MECOM: variants seen among roughly 807,000 people sequenced by gnomAD.
MECOM encodes the protein histone-lysine N-methyltransferase MECOM.
Under a neutral mutation model 116.3 loss-of-function variants are expected in MECOM, and 13 were observed. That is an observed-to-expected ratio of 0.11 (90% CI 0.07 to 0.18). The LOEUF is 0.18. Among genes scored for constraint, MECOM ranks in the 10% least tolerant of loss-of-function variants. The pLI, the probability that MECOM is intolerant of heterozygous loss-of-function variation, is 1.00. For synonymous variants in MECOM, 528 were observed against 535.2 expected, an observed-to-expected ratio of 0.99 and a Z score of 0.19; for missense variants, 1,299 against 1,509.0, an observed-to-expected ratio of 0.86 and a Z score of 2.31.
intron 2 of MECOM, among the ~76,000 whole-genome samples, chr3:169,220,520 A>T (rs1044314432): frequency 4.6e-5 from 7 of 151,782 alleles, no homozygotes; most frequent in African/African-American, 1.7e-4. Flanking sequence ...TATCACCCAG[A>T]CTGGAGTGCA....
At chr3:169,313,413 C>G (rs1378054912) in intron 2 of MECOM, among the ~76,000 whole-genome samples, 1 of 152,124 alleles carries the variant, frequency 6.6e-6, no homozygotes, top group Non-Finnish European at 1.5e-5. Context: ...TGTTCATACA[C>G]TAATGGAAAT....
chr3:169,131,000 T>A (rs553246958), intron 4 of MECOM, among the ~76,000 whole-genome samples: 1 of 152,144 alleles, frequency 6.6e-6, no homozygotes, highest in African/African-American at 2.4e-5. Flanking sequence ...CCCTCCCATA[T>A]GGTCATATTG....
Position 169,084,806 on chromosome 3 carries a change from G to T in MECOM, c.*103C>A. On this transcript the variant is annotated 3_prime_UTR_variant, in exon 17 of 17. Coordinates refer to ENST00000651503, the MANE Select transcript of MECOM (RefSeq NM_004991.4). ...CACTAGACTTTAGATGAGTGACCCT[G>T]CAGGTTTATAAGGCATTCTGCTCAG... 7.8e-7 allele frequency: 1 copy of T among 1,285,900 alleles called. No homozygotes were observed. Among genetic ancestry groups the T allele is most frequent in the South Asian group, 1.4e-5 (1 of 72,246 alleles). 79.7% of individuals were successfully genotyped at this position (1,285,900 alleles called of 1,614,324 possible).
intron 2 of MECOM, chr3:169,147,868 G>C (rs1577178695): frequency 3.6e-6 from 1 of 277,690 alleles, no homozygotes; most frequent in Non-Finnish European, 5.4e-6. Context: ...CGGGGGTAGG[G>C]GGGAGAGGTA....
intron 2 of MECOM, among the ~76,000 whole-genome samples, chr3:169,357,088 A>G (rs935885621): frequency 5.9e-5 from 9 of 151,860 alleles, no homozygotes; most frequent in African/African-American, 2.2e-4. Flanking sequence ...TACATGACAT[A>G]TGGTTAAGAG....
chr3:169,613,495 G>T (rs1769537636), intron 1 of MECOM: 2 of 152,186 alleles, frequency 1.3e-5, no homozygotes, highest in South Asian at 4.1e-4. Context: ...ATACAAGAAT[G>T]TGGACCTGTG....
intron 2 of MECOM, among the ~76,000 whole-genome samples, chr3:169,368,810 G>T (rs1164699992): frequency 3.3e-5 from 5 of 151,950 alleles, no homozygotes; most frequent in Non-Finnish European, 7.4e-5. Flanking sequence ...ATATTTTATT[G>T]TGAGTTTTAC....
chr3:169,263,123 A>T lies in MECOM; in HGVS notation c.375+118064T>A, dbSNP rs1488083652. Among the ~76,000 whole-genome samples the T allele has an allele frequency of 1.1e-3, 22 of 19,634 alleles. 1 individual carries two copies. The highest frequency in any genetic ancestry group is 5.0e-3 in the African/African-American group (21 of 4,178). The allele number at this position is 19,634 out of a possible 152,430, so 12.9% of individuals were successfully genotyped here. A position where few individuals can be genotyped will look rare whatever the true frequency, so the allele number is the denominator to read the frequency against. Reference sequence around the variant, plus strand: ...TATATATATATATATATATATATATATATATGTTTTTTTTTTTTTTTTTGA... The same window carrying T: ...TATATATATATATATATATATATATTTATATGTTTTTTTTTTTTTTTTTGA... On this transcript the variant is annotated intron_variant, in intron 2 of 16. Transcript: ENST00000651503.
chr3:169,629,285 A>T (rs909365502), intron 1 of MECOM, among the ~76,000 whole-genome samples: 1 of 152,160 alleles, frequency 6.6e-6, no homozygotes, highest in Non-Finnish European at 1.5e-5. Context: ...CCGACATCAT[A>T]ATACCATGCA....
chr3:169,494,471 C>T (rs949145317), intron 1 of MECOM, among the ~76,000 whole-genome samples: 5 of 152,006 alleles, frequency 3.3e-5, no homozygotes, highest in African/African-American at 7.2e-5. Context: ...GTTGAGAATA[C>T]AATTAAAGCA....
intron 2 of MECOM, among the ~76,000 whole-genome samples, chr3:169,248,060 T>A (rs1346190205): frequency 6.6e-6 from 1 of 152,200 alleles, no homozygotes; most frequent in Admixed American, 6.5e-5. Context: ...AATCATGTGT[T>A]TAAGTATTTA....
At position 169,662,995 on chromosome 3, in the gene MECOM, C is replaced by T. The variant is rs573597380; in HGVS notation, c.37+341G>A. On this transcript the variant is annotated intron_variant, in intron 1 of 16. Transcript: ENST00000651503. ...GAGACTTTCTCCTCTTCTCTTCCCC[C>T]CCACCCCACCCCTTCGCGCTCACTC... Among the ~76,000 whole-genome samples, 5 of 145,572 alleles carry T rather than the reference C, an allele frequency of 3.4e-5. No individual in the cohort carries two copies. In the South Asian group the frequency reaches 9.0e-4, roughly 26 times the overall value.
chr3:169,495,683 T>C (rs1002158953), intron 1 of MECOM, among the ~76,000 whole-genome samples: 1 of 152,166 alleles, frequency 6.6e-6, no homozygotes, highest in African/African-American at 2.4e-5. Context: ...CAAACCTGAA[T>C]ATACTGGTAA....
intron 2 of MECOM, chr3:169,145,989 A>G (rs980283129): frequency 1.4e-5 from 3 of 220,316 alleles, no homozygotes; most frequent in Non-Finnish European, 2.7e-5. Context: ...TGGGTGAATT[A>G]TTCACTTTTG....
At chr3:169,621,997 A>G (rs1216819527) in intron 1 of MECOM, among the ~76,000 whole-genome samples, 2 of 152,200 alleles carry the variant, frequency 1.3e-5, no homozygotes, top group African/African-American at 4.8e-5. Context: ...TTGGCCATCA[A>G]GTTTAAAAGA....
At chr3:169,401,321 C>G (rs1185150665) in intron 1 of MECOM, among the ~76,000 whole-genome samples, 2 of 152,190 alleles carry the variant, frequency 1.3e-5, no homozygotes, top group East Asian at 1.9e-4. Context: ...CTCCCACCCC[C>G]ACCCCTGACC....
chr3:169,325,195 G>A (rs554539199), intron 2 of MECOM, among the ~76,000 whole-genome samples: 3 of 152,224 alleles, frequency 2.0e-5, no homozygotes, highest in South Asian at 4.2e-4. Flanking sequence ...GCACAGCTAC[G>A]GGTCCGCTTG....
At chr3:169,661,941 G>A (rs1776337308) in intron 1 of MECOM, among the ~76,000 whole-genome samples, 1 of 152,194 alleles carries the variant, frequency 6.6e-6, no homozygotes, top group East Asian at 1.9e-4. Context: ...GTCCACTCCC[G>A]AGGCAGCTCC....
At chr3:169,228,333 T>C (rs971352900) in intron 2 of MECOM, among the ~76,000 whole-genome samples, 5 of 152,336 alleles carry the variant, frequency 3.3e-5, no homozygotes, top group Admixed American at 3.3e-4. Context: ...CAATATCTGC[T>C]GCCACTTGAA....
Sources: gnomAD v4.1 joint callset for allele counts (sites outside exome capture counted in the v4.1 genomes callset) on GRCh38, gnomAD v4.1.1 for gene constraint, MANE v1.5 for transcripts, NCBI Gene and HGNC (gene_info 2026-07-23, HGNC 2026-07-21) for gene names.